CTNNA2: variants seen among roughly 807,000 people sequenced by gnomAD.
CTNNA2 encodes catenin alpha 2, also known as catenin alpha-2.
Under a neutral mutation model 101.0 loss-of-function variants are expected in CTNNA2, and 42 were observed. The observed-to-expected ratio is 0.42, with a 90% CI of 0.32 to 0.54. CTNNA2 has a LOEUF of 0.54. CTNNA2 is among the 20% of genes least tolerant of loss of function. CTNNA2 has a pLI of 0.14. For missense variants in CTNNA2, 871 were observed against 1,223.1 expected (o/e 0.71, Z 4.29); for synonymous variants, 450 against 456.4 (o/e 0.99, Z 0.18).
intron 7 of CTNNA2, among the ~76,000 whole-genome samples, chr2:80,229,050 C>T (rs1420828278): frequency 6.6e-6 from 1 of 152,198 alleles, no homozygotes; most frequent in African/African-American, 2.4e-5. Context: ...AAGGTAGCTT[C>T]TCCCTTTCGT....
chr2:80,010,097 G>A (rs927726939), intron 7 of CTNNA2, among the ~76,000 whole-genome samples: 1 of 152,274 alleles, frequency 6.6e-6, no homozygotes, highest in Admixed American at 6.5e-5. Flanking sequence ...GACAAACATT[G>A]AGAAATAATA....
At chr2:79,523,496 C>T (rs1296853702) in intron 1 of CTNNA2, among the ~76,000 whole-genome samples, 1 of 151,896 alleles carries the variant, frequency 6.6e-6, no homozygotes, top group Non-Finnish European at 1.5e-5. Flanking sequence ...TTTATTTAAT[C>T]CTTATTTCCA....
intron 7 of CTNNA2, among the ~76,000 whole-genome samples, chr2:80,188,722 A>G (rs1193496644): frequency 6.6e-6 from 1 of 152,100 alleles, no homozygotes; most frequent in African/African-American, 2.4e-5. Context: ...AAGGTTCTCC[A>G]CTATCAAAGA....
chr2:80,227,859 C>T (rs544991668), intron 7 of CTNNA2, among the ~76,000 whole-genome samples: 127 of 151,802 alleles, frequency 8.4e-4, no homozygotes, highest in African/African-American at 3.0e-3. Flanking sequence ...CAAAAAAAAA[C>T]AACTATTAAA....
intron 7 of CTNNA2, among the ~76,000 whole-genome samples, chr2:80,206,789 GTTTT>G (rs984743618): frequency 6.6e-6 from 1 of 152,242 alleles, no homozygotes; most frequent in East Asian, 1.9e-4. Context: ...AAACCAATTT[GTTTT>G]TTTATGAATC....
chr2:80,536,219 T>C (rs1417800144), intron 9 of CTNNA2, among the ~76,000 whole-genome samples: 1 of 152,202 alleles, frequency 6.6e-6, no homozygotes, highest in Non-Finnish European at 1.5e-5. Context: ...AACCTTCAGA[T>C]GGAGACCGCA....
intron 7 of CTNNA2, among the ~76,000 whole-genome samples, chr2:80,235,190 A>C (rs574419004): frequency 6.6e-6 from 1 of 152,254 alleles, no homozygotes; most frequent in Admixed American, 6.5e-5. Context: ...TCAAATATGC[A>C]TATATGAAAG....
intron 7 of CTNNA2, among the ~76,000 whole-genome samples, chr2:80,345,055 A>G (rs28661175): frequency 0.38 from 58,309 of 151,904 alleles, 13,835 homozygotes; most frequent in African/African-American, 0.68. Flanking sequence ...CCCTATATTC[A>G]CCTTTGCCAC....
intron 2 of CTNNA2, among the ~76,000 whole-genome samples, chr2:79,274,448 C>T (rs955287493): frequency 2.0e-5 from 3 of 151,988 alleles, no homozygotes; most frequent in African/African-American, 7.2e-5. Context: ...ACATCTTTAG[C>T]TTATTTATTC....
chr2:79,296,391 G>T (rs1675980300), intron 2 of CTNNA2, among the ~76,000 whole-genome samples: 1 of 152,138 alleles, frequency 6.6e-6, no homozygotes, highest in Non-Finnish European at 1.5e-5. Flanking sequence ...AAGAATTAAA[G>T]ATTTTAAAAG....
At chr2:80,181,665 C>T (rs1433912495) in intron 7 of CTNNA2, among the ~76,000 whole-genome samples, 1 of 152,188 alleles carries the variant, frequency 6.6e-6, no homozygotes, top group Non-Finnish European at 1.5e-5. Flanking sequence ...CATTTTCTTT[C>T]ATCACTTTGT....
intron 7 of CTNNA2, among the ~76,000 whole-genome samples, chr2:80,102,111 A>T (rs1700583399): frequency 6.6e-6 from 1 of 152,174 alleles, no homozygotes; most frequent in Non-Finnish European, 1.5e-5. Flanking sequence ...AGTCTCTCTG[A>T]CAGTACCTAG....
chr2:80,465,339 C>G (rs1050527825), intron 9 of CTNNA2, among the ~76,000 whole-genome samples: 5 of 152,116 alleles, frequency 3.3e-5, no homozygotes, highest in African/African-American at 1.2e-4. Context: ...ATATTTATTC[C>G]ATTGTCCAAG....
chr2:80,420,048 A>AC (rs930985759), intron 9 of CTNNA2, among the ~76,000 whole-genome samples: 3 of 144,454 alleles, frequency 2.1e-5, no homozygotes, highest in African/African-American at 8.4e-5. Context: ...AAAAAAAAAA[A>AC]AAAAAAAAAA....
intron 1 of CTNNA2, among the ~76,000 whole-genome samples, chr2:79,553,605 A>T (rs1347333527): frequency 1.3e-5 from 2 of 152,124 alleles, no homozygotes; most frequent in Non-Finnish European, 2.9e-5. Context: ...GGCAAAGGGG[A>T]AGCAGGCACA....
chr2:79,413,507 T>C (rs1678441093), intron 4 of CTNNA2, among the ~76,000 whole-genome samples: 1 of 152,094 alleles, frequency 6.6e-6, no homozygotes, highest in Non-Finnish European at 1.5e-5. Context: ...TTACTTTGAA[T>C]AGTGCTGCAA....
At chr2:79,467,073 T>C (rs1308357325) in intron 4 of CTNNA2, among the ~76,000 whole-genome samples, 1 of 152,190 alleles carries the variant, frequency 6.6e-6, no homozygotes, top group African/African-American at 2.4e-5. Flanking sequence ...ATGATCAAAC[T>C]TCTCTGAGCT....
At chr2:79,593,538 G>GAT (rs2104002102) in intron 1 of CTNNA2, among the ~76,000 whole-genome samples, 1 of 152,162 alleles carries the variant, frequency 6.6e-6, no homozygotes, top group Non-Finnish European at 1.5e-5. Context: ...TCCCTCAAGA[G>GAT]AAACAGCCTG....
chr2:80,032,780 G>A (rs1695373615), intron 7 of CTNNA2, among the ~76,000 whole-genome samples: 1 of 152,072 alleles, frequency 6.6e-6, no homozygotes, highest in South Asian at 2.1e-4. Flanking sequence ...TTTATGTATG[G>A]CCTGTATGAA....
Sources: gnomAD v4.1 joint callset for allele counts (sites outside exome capture counted in the v4.1 genomes callset) on GRCh38, gnomAD v4.1.1 for gene constraint, MANE v1.5 for transcripts, NCBI Gene and HGNC (gene_info 2026-07-23, HGNC 2026-07-21) for gene names.